Variants in RBFOX1 observed in about 807,000 individuals in gnomAD.
The protein encoded by RBFOX1 is RNA binding fox-1 homolog 1.
RBFOX1 carries 8 observed loss-of-function variants against 57.7 expected under a neutral mutation model. The ratio of observed to expected loss-of-function variants is 0.14; its 90% CI spans 0.08 to 0.25. The LOEUF (loss-of-function observed/expected upper bound fraction) is 0.25, where lower values mean the gene tolerates loss of function less well. Among genes scored for constraint, RBFOX1 ranks in the 10% least tolerant of loss-of-function variants. RBFOX1 has a pLI of 1.00. For missense variants in RBFOX1, 611 were observed against 548.5 expected (o/e 1.11, Z -1.14); for synonymous variants, 326 against 222.4 (o/e 1.47, Z -4.15).
intron 3 of RBFOX1, among the ~76,000 whole-genome samples, chr16:6,973,161 C>T (rs563131098): frequency 6.8e-6 from 1 of 147,138 alleles, no homozygotes; most frequent in East Asian, 2.1e-4. Context: ...AAAATAGAGA[C>T]AAGGCCATCA....
chr16:5,500,985 T>G (rs1038221045), intron 2 of RBFOX1, among the ~76,000 whole-genome samples: 54 of 152,168 alleles, frequency 3.5e-4, no homozygotes, highest in African/African-American at 1.1e-3. Context: ...ATTTTGAAGT[T>G]TTACAGCAAT....
chr16:6,358,118 C>T (rs952692409), intron 2 of RBFOX1, among the ~76,000 whole-genome samples: 1 of 152,138 alleles, frequency 6.6e-6, no homozygotes, highest in Non-Finnish European at 1.5e-5. Context: ...GATGTACCCT[C>T]CAACTGTGTG....
At chr16:7,621,498 G>A (rs2059315785) in intron 10 of RBFOX1, among the ~76,000 whole-genome samples, 1 of 152,132 alleles carries the variant, frequency 6.6e-6, no homozygotes, top group South Asian at 2.1e-4. Context: ...CTGGCCTCAA[G>A]TGATCCTCCT....
intron 3 of RBFOX1, among the ~76,000 whole-genome samples, chr16:6,707,480 T>TTTTTG (rs1568299307): frequency 1.4e-5 from 2 of 145,056 alleles, no homozygotes; most frequent in African/African-American, 2.5e-5. Context: ...CCATTTTTGT[T>TTTTTG]TTTTTTTTTT....
At chr16:6,077,853 AG>A (rs1269223832) in intron 1 of RBFOX1, among the ~76,000 whole-genome samples, 1 of 151,888 alleles carries the variant, frequency 6.6e-6, no homozygotes, top group Non-Finnish European at 1.5e-5. Context: ...AGCTTTTGGG[AG>A]CTTGCATGAT....
chr16:6,732,732 G>A (rs889218033), intron 3 of RBFOX1, among the ~76,000 whole-genome samples: 3 of 152,150 alleles, frequency 2.0e-5, no homozygotes, highest in South Asian at 2.1e-4. Context: ...TTATGCCATG[G>A]GAGAACTAGC....
rs150934297 is a variant in RBFOX1 at position 5,590,555 on chromosome 16, G to A, written c.259-8347G>A. On this transcript the variant is annotated intron_variant, in intron 2 of 2. Transcript: ENST00000585867. ...AGTTGGCTGCATGCTCTTGGCTGCC[G>A]TACTGTGATTCGGGGCGTGATGGAG... Among the ~76,000 whole-genome samples, 42 of 152,270 alleles carry A rather than the reference G, an allele frequency of 2.8e-4. No homozygotes were observed. The East Asian group carries it at 7.1e-3, about 26-fold the overall frequency.
intron 1 of RBFOX1, among the ~76,000 whole-genome samples, chr16:6,229,318 T>A (rs2097440752): frequency 6.6e-6 from 1 of 152,270 alleles, no homozygotes; most frequent in African/African-American, 2.4e-5. Context: ...CCTGTGATTC[T>A]AAACCAGTTC....
At chr16:7,193,910 T>C (rs960994269) in intron 4 of RBFOX1, among the ~76,000 whole-genome samples, 1 of 152,140 alleles carries the variant, frequency 6.6e-6, no homozygotes, top group Admixed American at 6.6e-5. Flanking sequence ...GGATAAGATA[T>C]TCTAGTAGCA....
intron 4 of RBFOX1, among the ~76,000 whole-genome samples, chr16:7,389,458 G>A (rs2097951652): frequency 6.6e-6 from 1 of 152,150 alleles, no homozygotes; most frequent in African/African-American, 2.4e-5. Context: ...GTTGATTGGG[G>A]TGTGCTTGCT....
intron 1 of RBFOX1, among the ~76,000 whole-genome samples, chr16:6,077,199 C>T (rs1156764633): frequency 6.6e-6 from 1 of 152,184 alleles, no homozygotes; most frequent in Non-Finnish European, 1.5e-5. Context: ...TATTGCATTT[C>T]AGCCCCTGCC....
chr16:6,418,724 C>T (rs1460873956), intron 2 of RBFOX1, among the ~76,000 whole-genome samples: 3 of 151,924 alleles, frequency 2.0e-5, no homozygotes, highest in Non-Finnish European at 2.9e-5. Flanking sequence ...GATGGGATCA[C>T]ACTATATTGC....
chr16:6,139,590 A>G (rs1161818695), intron 1 of RBFOX1, among the ~76,000 whole-genome samples: 1 of 152,218 alleles, frequency 6.6e-6, no homozygotes, highest in Non-Finnish European at 1.5e-5. Context: ...CAATGAAGAA[A>G]TGGAAAAGTT....
chr16:6,852,903 T>G (rs1423410962), intron 3 of RBFOX1, among the ~76,000 whole-genome samples: 1 of 152,052 alleles, frequency 6.6e-6, no homozygotes, highest in Non-Finnish European at 1.5e-5. Context: ...CCACACAAGG[T>G]GCATGCTGGG....
intron 2 of RBFOX1, among the ~76,000 whole-genome samples, chr16:6,635,721 T>A (rs1341616560): frequency 6.6e-6 from 1 of 152,176 alleles, no homozygotes; most frequent in African/African-American, 2.4e-5. Flanking sequence ...AAAATCATGC[T>A]GCCTAAGAGA....
At chr16:6,802,254 C>T (rs967103213) in intron 3 of RBFOX1, among the ~76,000 whole-genome samples, 6 of 152,030 alleles carry the variant, frequency 3.9e-5, no homozygotes, top group Admixed American at 6.5e-5. Flanking sequence ...CAGTCAGTGC[C>T]GAAACAGTAG....
At chr16:5,243,544 C>T (rs2062222034) in intron 1 of RBFOX1, among the ~76,000 whole-genome samples, 1 of 152,178 alleles carries the variant, frequency 6.6e-6, no homozygotes, top group Admixed American at 6.5e-5. Context: ...TTAGCGGCAT[C>T]TGTGGTCTCC....
chr16:7,215,306 T>A (rs1208278399), intron 4 of RBFOX1, among the ~76,000 whole-genome samples: 1 of 152,206 alleles, frequency 6.6e-6, no homozygotes, highest in African/African-American at 2.4e-5. Flanking sequence ...GACCCAGCCA[T>A]CCCATTACTG....
At position 6,671,761 on chromosome 16, in the gene RBFOX1, A is replaced by T. The variant is rs192577983; in HGVS notation, c.-16+17111A>T. On this transcript the variant is annotated intron_variant, in intron 3 of 15. Coordinates refer to ENST00000550418, the MANE Select transcript of RBFOX1 (RefSeq NM_018723.4). ...TACTTCAATTAGAATAACAGTTTCCAGTCCCATCCAGGTTGCTGTGAATGC... is the reference window on the plus strand; with the variant it reads ...TACTTCAATTAGAATAACAGTTTCCTGTCCCATCCAGGTTGCTGTGAATGC... 1.8e-4 allele frequency among the ~76,000 whole-genome samples: 28 copies of T among 152,336 alleles called. No individual in the cohort carries two copies. The East Asian group carries it at 5.4e-3, about 29-fold the overall frequency.
Sources: allele counts gnomAD v4.1 joint callset (sites outside exome capture counted in the v4.1 genomes callset), GRCh38; gene constraint gnomAD v4.1.1; transcripts MANE v1.5; gene names NCBI Gene and HGNC (gene_info 2026-07-23, HGNC 2026-07-21).